The following L3MBTL4 variants were observed in gnomAD, a reference collection of about 807,000 sequenced individuals.
L3MBTL4 encodes the protein L3MBTL histone methyl-lysine binding protein 4, also known as lethal(3)malignant brain tumor-like protein 4.
L3MBTL4 carries 70 observed loss-of-function variants against 84.5 expected under a neutral mutation model. The observed-to-expected ratio is 0.83, with a 90% confidence interval of 0.68 to 1.01. The LOEUF is 1.01. L3MBTL4 is among the 50% of genes least tolerant of loss of function. The probability of loss-of-function intolerance (pLI) is 0.00; values close to 1 mark genes in which losing one functional copy is unlikely to be tolerated. For synonymous variants in L3MBTL4, 274 were observed against 259.8 expected (o/e 1.05, Z -0.52); for missense variants, 715 against 754.8 (o/e 0.95, Z 0.62).
intron 14 of L3MBTL4, among the ~76,000 whole-genome samples, chr18:6,134,446 A>T (rs2041104671): frequency 6.6e-6 from 1 of 152,216 alleles, no homozygotes; most frequent in Non-Finnish European, 1.5e-5. Context: ...CACAGTCCAA[A>T]GTCTCATCTG....
At chr18:6,298,289 T>A (rs2050188970) in intron 4 of L3MBTL4, among the ~76,000 whole-genome samples, 1 of 152,228 alleles carries the variant, frequency 6.6e-6, no homozygotes, top group Non-Finnish European at 1.5e-5. Context: ...GACTAAATAT[T>A]TTTAATATAT....
At chr18:6,163,797 C>T (rs533357195) in intron 13 of L3MBTL4, among the ~76,000 whole-genome samples, 31 of 152,224 alleles carry the variant, frequency 2.0e-4, no homozygotes, top group Admixed American at 4.6e-4. Flanking sequence ...ACTGAGGTAC[C>T]GGGTTCATCA....
At chr18:6,158,965 C>T (rs1788606068) in intron 13 of L3MBTL4, among the ~76,000 whole-genome samples, 1 of 152,162 alleles carries the variant, frequency 6.6e-6, no homozygotes, top group Non-Finnish European at 1.5e-5. Flanking sequence ...GAGCAAGACC[C>T]ATCAGGGATG....
chr18:6,058,665 A>G (rs1012289646), intron 16 of L3MBTL4, among the ~76,000 whole-genome samples: 2 of 152,124 alleles, frequency 1.3e-5, no homozygotes, highest in Non-Finnish European at 2.9e-5. Context: ...CAAAGAAGAC[A>G]AAGCCTGGCA....
chr18:6,049,648 A>C (rs1479138690), intron 16 of L3MBTL4, among the ~76,000 whole-genome samples: 1 of 152,210 alleles, frequency 6.6e-6, no homozygotes, highest in Admixed American at 6.5e-5. Flanking sequence ...ACGTGGTTAT[A>C]AGTGGGAGTT....
chr18:6,138,583 C>T (rs2060102924), intron 13 of L3MBTL4, among the ~76,000 whole-genome samples: 1 of 152,106 alleles, frequency 6.6e-6, no homozygotes, highest in Non-Finnish European at 1.5e-5. Flanking sequence ...GACTAAGTCT[C>T]ACTCTGTTGC....
intron 10 of L3MBTL4, among the ~76,000 whole-genome samples, chr18:6,227,882 G>T (rs964368668): frequency 6.6e-6 from 1 of 151,990 alleles, no homozygotes; most frequent in African/African-American, 2.4e-5. Flanking sequence ...GCCCAGTCTG[G>T]TCTTAAACTC....
chr18:6,353,507 T>C (rs1460480044), intron 1 of L3MBTL4, among the ~76,000 whole-genome samples: 4 of 152,110 alleles, frequency 2.6e-5, no homozygotes, highest in Non-Finnish European at 5.9e-5. Flanking sequence ...ATTTTTACTA[T>C]CTTTGTTTGG....
chr18:6,028,376 C>G (rs1189754278), intron 16 of L3MBTL4, among the ~76,000 whole-genome samples: 1 of 152,088 alleles, frequency 6.6e-6, no homozygotes, highest in Non-Finnish European at 1.5e-5. Context: ...GAGGTCTCTG[C>G]TCTGTTCCAT....
intron 13 of L3MBTL4, among the ~76,000 whole-genome samples, chr18:6,139,493 A>T (rs1240430772): frequency 1.3e-5 from 2 of 151,614 alleles, no homozygotes; most frequent in African/African-American, 4.9e-5. Flanking sequence ...CTAAACACAC[A>T]TGCACACACA....
At chr18:6,293,308 A>T (rs2049949306) in intron 4 of L3MBTL4, among the ~76,000 whole-genome samples, 2 of 152,276 alleles carry the variant, frequency 1.3e-5, no homozygotes, top group Middle Eastern at 3.4e-3. Flanking sequence ...TGACTGATTC[A>T]ACGTCTGGGG....
intron 10 of L3MBTL4, among the ~76,000 whole-genome samples, chr18:6,217,320 G>A (rs141495064): frequency 1.6e-4 from 24 of 152,040 alleles, no homozygotes; most frequent in Non-Finnish European, 1.9e-4. Flanking sequence ...CCCTACCCTC[G>A]CTTCCAACCA....
At chr18:6,130,699 T>A (rs1384767759) in intron 14 of L3MBTL4, among the ~76,000 whole-genome samples, 3 of 152,126 alleles carry the variant, frequency 2.0e-5, no homozygotes, top group Non-Finnish European at 4.4e-5. Context: ...GAAAAAAAAA[T>A]TTCGTATCTA....
At chr18:6,030,501 CTTT>C (rs112869054) in intron 16 of L3MBTL4, 115,585 of 844,208 alleles carry the variant, frequency 0.14, 4,759 homozygotes, top group African/African-American at 0.25. Context: ...TGAAGAGACT[CTTT>C]TTTTTTTTTT....
chr18:5,962,485 T>C (rs981259630), intron 17 of L3MBTL4, among the ~76,000 whole-genome samples: 3 of 151,694 alleles, frequency 2.0e-5, no homozygotes, highest in African/African-American at 4.8e-5. Context: ...GTTCCAGGTG[T>C]GGGTCTGTAC....
chr18:6,283,768 G>A (rs930723713), intron 4 of L3MBTL4, among the ~76,000 whole-genome samples: 6 of 152,144 alleles, frequency 3.9e-5, no homozygotes, highest in African/African-American at 1.4e-4. Flanking sequence ...TTGAGGCTTG[G>A]AAAAGCTAAG....
chr18:6,229,456 G>A (rs933523302), intron 10 of L3MBTL4, among the ~76,000 whole-genome samples: 3 of 151,874 alleles, frequency 2.0e-5, no homozygotes, highest in Admixed American at 1.3e-4. Flanking sequence ...ATTGTCCTTC[G>A]ATGTATGGAA....
rs139501020 is a variant in L3MBTL4 at position 6,334,609 on chromosome 18, A to T, written c.-90-22553T>A. Among the ~76,000 whole-genome samples the T allele has an allele frequency of 5.9e-5, 9 of 152,312 alleles. No individual in the cohort carries two copies. The East Asian group carries it at 1.5e-3, about 26-fold the overall frequency. ...ATCAAAATATAATTGTTTAATTGGC[A>T]TTGTTTTTTCTTACTAGTGGTCCTT... On this transcript the variant is annotated intron_variant, in intron 1 of 18. Transcript: ENST00000317931.
chr18:6,121,039 T>C (rs2059506865), intron 14 of L3MBTL4, among the ~76,000 whole-genome samples: 1 of 152,106 alleles, frequency 6.6e-6, no homozygotes, highest in African/African-American at 2.4e-5. Context: ...ATAAGTGATG[T>C]TTACAACATT....
Sources: gnomAD v4.1 joint callset for allele counts (sites outside exome capture counted in the v4.1 genomes callset) on GRCh38, gnomAD v4.1.1 for gene constraint, MANE v1.5 for transcripts, NCBI Gene and HGNC (gene_info 2026-07-23, HGNC 2026-07-21) for gene names.